DEPDC4: variants seen among roughly 807,000 people sequenced by gnomAD.
DEPDC4 encodes the protein DEP domain-containing protein 4.
In DEPDC4, 52 loss-of-function variants were observed where a neutral mutation model predicts 52.0. That is an observed-to-expected ratio of 1.00 (90% confidence interval 0.80 to 1.26). DEPDC4 has a LOEUF of 1.26. Among genes scored for constraint, DEPDC4 ranks in the 50% most tolerant of loss-of-function variants. DEPDC4 has a pLI of 0.00. For synonymous variants in DEPDC4, 201 were observed against 196.8 expected, an observed-to-expected ratio of 1.02 and a Z score of -0.18; for missense variants, 530 against 546.9, an observed-to-expected ratio of 0.97 and a Z score of 0.31.
At chr12:100,257,930 T>C (rs2096240762) in intron 3 of DEPDC4, 1 of 152,118 alleles carries the variant, frequency 6.6e-6, no homozygotes, top group South Asian at 2.1e-4. Context: ...TGAAGAAAAT[T>C]AATGTATAAA....
Position 100,253,648 on chromosome 12 carries a change from C to A in DEPDC4, c.946G>T (p.Val316Phe). 1 of 1,289,912 alleles carries A rather than the reference C, an allele frequency of 7.8e-7. No homozygotes were observed. Among genetic ancestry groups the A allele is most frequent in the African/African-American group, 1.5e-5 (1 of 65,976 alleles). The allele number at this position is 1,289,912 out of a possible 1,614,324, so 79.9% of individuals were successfully genotyped here. A position where few individuals can be genotyped will look rare whatever the true frequency, so the allele number is the denominator to read the frequency against. Residue 316 changes from valine (V) to phenylalanine (F), a missense_variant, in exon 5 of 10, where the codon GTT becomes TTT. Val to Phe is a conservative substitution (Grantham distance 50). Coordinates refer to ENST00000550587, the MANE Select transcript of DEPDC4 (RefSeq NM_001364818.2). ...EYFPDQLIVT[V>F]SQQLMQNRNE... The stretch of plus-strand genomic sequence containing the variant: ...CTGTTTTGCATTAACTGCTGACTAA[C>A]TGTAACTATTAACTGGTCAGGGAAA...
intron 7 of DEPDC4, among the ~76,000 whole-genome samples, chr12:100,250,639 G>A (rs980166526): frequency 2.6e-5 from 4 of 152,160 alleles, no homozygotes; most frequent in African/African-American, 9.7e-5. Context: ...ATTCATTTAT[G>A]TAGAGGAGGG....
At chr12:100,258,014 T>C (rs943660946) in intron 3 of DEPDC4, among the ~76,000 whole-genome samples, 7 of 146,128 alleles carry the variant, frequency 4.8e-5, no homozygotes, top group Admixed American at 4.7e-4. Flanking sequence ...GATAGATAGA[T>C]AGATAGATAG....
At chr12:100,269,550 G>T (rs946344046), upstream of DEPDC4, among the ~76,000 whole-genome samples, 15 of 152,122 alleles carry the variant, frequency 9.9e-5, 1 homozygote, top group Non-Finnish European at 2.2e-4. Flanking sequence ...AATGGGCCAA[G>T]AATTGTACTA....
At chr12:100,244,103 A>G (rs1488627597) in intron 8 of DEPDC4, among the ~76,000 whole-genome samples, 9 of 61,798 alleles carry the variant, frequency 1.5e-4, no homozygotes, top group South Asian at 4.1e-4. Flanking sequence ...GTGTATATAT[A>G]TATATATATA....
intron 2 of DEPDC4, among the ~76,000 whole-genome samples, 153 bp downstream of exon 2, chr12:100,263,344 G>A (rs1476202563): frequency 6.6e-6 from 1 of 151,528 alleles, no homozygotes; most frequent in Non-Finnish European, 1.5e-5. Flanking sequence ...CATCATTCCA[G>A]TTTTAGAGGA....
At chr12:100,279,747 C>A in the DEPDC4 span, among the ~76,000 whole-genome samples, 1 of 152,330 alleles carries the variant, frequency 6.6e-6, no homozygotes, top group East Asian at 1.9e-4. Context: ...ACTCACTACT[C>A]TGGCTGATGA....
intron 3 of DEPDC4, chr12:100,261,715 T>C (rs1170022776): frequency 6.6e-6 from 3 of 456,720 alleles, no homozygotes; most frequent in South Asian, 3.1e-5. Flanking sequence ...TGTTATTAGA[T>C]GTATATTGCC....
At chr12:100,258,696 ATTTGAG>A (rs879523785) in intron 3 of DEPDC4, among the ~76,000 whole-genome samples, 3,468 of 152,222 alleles carry the variant, frequency 0.023, 88 homozygotes, top group African/African-American at 0.066. Flanking sequence ...CTTTAAAAGT[ATTTGAG>A]AAATTATTTC....
chr12:100,259,747 T>C (rs2096247258), intron 3 of DEPDC4, among the ~76,000 whole-genome samples: 1 of 152,022 alleles, frequency 6.6e-6, no homozygotes, highest in African/African-American at 2.4e-5. Flanking sequence ...AGTAACAATA[T>C]AAGCATGCTA....
At chr12:100,256,911 G>A (rs944637056) in intron 3 of DEPDC4, among the ~76,000 whole-genome samples, 1 of 151,998 alleles carries the variant, frequency 6.6e-6, no homozygotes. Context: ...AAAGTGCTGG[G>A]ATTACAGGCG....
chr12:100,261,393 C>T (rs2096253147), intron 3 of DEPDC4, among the ~76,000 whole-genome samples: 1 of 152,280 alleles, frequency 6.6e-6, no homozygotes, highest in Non-Finnish European at 1.5e-5. Context: ...TGTATCTCTC[C>T]TAACTGCCCT....
At chr12:100,247,209 T>G (rs922754574) in intron 8 of DEPDC4, among the ~76,000 whole-genome samples, 1 of 133,332 alleles carries the variant, frequency 7.5e-6, no homozygotes, top group Non-Finnish European at 1.6e-5. Flanking sequence ...GTGTTTTTTT[T>G]TTTTTTTTTT....
intron 3 of DEPDC4, among the ~76,000 whole-genome samples, chr12:100,257,457 C>T (rs1275935848): frequency 6.6e-6 from 1 of 151,916 alleles, no homozygotes; most frequent in Non-Finnish European, 1.5e-5. Context: ...CACACCACAG[C>T]CTCTGCCTCC....
At chr12:100,277,403 TC>T in the DEPDC4 span, among the ~76,000 whole-genome samples, 1 of 152,224 alleles carries the variant, frequency 6.6e-6, no homozygotes, top group South Asian at 2.1e-4. Context: ...TTCTGTCAGT[TC>T]TGCCACTTTT....
chr12:100,241,377 G>A lies in DEPDC4; in HGVS notation c.*515C>T, dbSNP rs2096157936. Reference sequence around the variant, plus strand: ...AACTTCCTTAACATATTTTAAGCATGATTAAATTAAAAGTAATATTTTATA... The same window carrying A: ...AACTTCCTTAACATATTTTAAGCATAATTAAATTAAAAGTAATATTTTATA... On this transcript the variant is annotated 3_prime_UTR_variant, in exon 10 of 10. Coordinates refer to ENST00000550587, the MANE Select transcript of DEPDC4 (RefSeq NM_001364818.2). Among the ~76,000 whole-genome samples, 1 of 152,012 alleles carries A rather than the reference G, an allele frequency of 6.6e-6. No individual in the cohort carries two copies. Among genetic ancestry groups the A allele is most frequent in the Non-Finnish European group, 1.5e-5 (1 of 68,020 alleles).
chr12:100,251,335 AAATAT>A (rs1451755030), intron 7 of DEPDC4, among the ~76,000 whole-genome samples: 1 of 152,178 alleles, frequency 6.6e-6, no homozygotes, highest in Non-Finnish European at 1.5e-5. Flanking sequence ...TCTGGTACTA[AAATAT>A]AATAGTGAGG....
intron 8 of DEPDC4, among the ~76,000 whole-genome samples, chr12:100,245,519 G>A (rs967114409): frequency 2.6e-5 from 4 of 152,116 alleles, no homozygotes; most frequent in African/African-American, 9.7e-5. Context: ...TGCCTGCTGC[G>A]GCCTCCCAGT....
chr12:100,243,534 C>T (rs2096169414), intron 8 of DEPDC4, among the ~76,000 whole-genome samples: 1 of 152,138 alleles, frequency 6.6e-6, no homozygotes, highest in Non-Finnish European at 1.5e-5. Flanking sequence ...TCCATATACG[C>T]TCACCTTTAC....
Sources: gnomAD v4.1 joint callset for allele counts (sites outside exome capture counted in the v4.1 genomes callset) on GRCh38, gnomAD v4.1.1 for gene constraint, MANE v1.5 for transcripts, NCBI Gene and HGNC (gene_info 2026-07-23, HGNC 2026-07-21) for gene names.